Variants in CRIM1 observed in about 807,000 individuals in gnomAD.
CRIM1 encodes the protein cysteine-rich motor neuron 1 protein.
Under a neutral mutation model 116.4 loss-of-function variants are expected in CRIM1, and 32 were observed. The observed-to-expected ratio is 0.27, with a 90% CI of 0.21 to 0.37. CRIM1 has a LOEUF of 0.37. Among genes scored for constraint, CRIM1 ranks in the 10% least tolerant of loss-of-function variants. CRIM1 has a pLI of 1.00. For synonymous variants in CRIM1, 590 were observed against 509.2 expected, an observed-to-expected ratio of 1.16 and a Z score of -2.13; for missense variants, 1,331 against 1,354.8, an observed-to-expected ratio of 0.98 and a Z score of 0.28.
At chr2:36,542,410 T>G (rs1333804171) in intron 14 of CRIM1, among the ~76,000 whole-genome samples, 1 of 152,232 alleles carries the variant, frequency 6.6e-6, no homozygotes, top group Non-Finnish European at 1.5e-5. Context: ...GAGGACTCAC[T>G]GTCATGCCTC....
intron 1 of CRIM1, among the ~76,000 whole-genome samples, chr2:36,382,629 C>CCT (rs1670868648): frequency 6.6e-6 from 1 of 152,228 alleles, no homozygotes; most frequent in Non-Finnish European, 1.5e-5. Flanking sequence ...GCATCCCTTT[C>CCT]CTCCACCCGA....
At chr2:36,489,926 G>A (rs1424530709) in intron 7 of CRIM1, among the ~76,000 whole-genome samples, 1 of 152,148 alleles carries the variant, frequency 6.6e-6, no homozygotes. Context: ...GTAGAACAAT[G>A]ATATCAGACT....
chr2:36,399,792 A>G (rs1234332598), intron 2 of CRIM1, among the ~76,000 whole-genome samples: 1 of 152,246 alleles, frequency 6.6e-6, no homozygotes, highest in Non-Finnish European at 1.5e-5. Flanking sequence ...TTCTCAGGGA[A>G]GTATAAAAGA....
chr2:36,519,256 C>A lies in CRIM1; in HGVS notation c.2206+1714C>A, dbSNP rs139347957. On this transcript the variant is annotated intron_variant, in intron 12 of 16. Coordinates refer to ENST00000280527, the MANE Select transcript of CRIM1 (RefSeq NM_016441.3). ...AGGAGAGCTATGTGGAGGTGGGAAC[C>A]TCTGAGTATGCTAACATGGGTGGCA... is the stretch of plus-strand genomic sequence containing the variant. Among the ~76,000 whole-genome samples, 849 of 152,266 alleles carry A rather than the reference C, an allele frequency of 5.6e-3. 5 individuals carry two copies. Among genetic ancestry groups the A allele is most frequent in the Middle Eastern group, 0.027 (8 of 294 alleles).
intron 13 of CRIM1, among the ~76,000 whole-genome samples, chr2:36,535,878 A>C (rs151061928): frequency 6.6e-6 from 1 of 152,250 alleles, no homozygotes; most frequent in Non-Finnish European, 1.5e-5. Flanking sequence ...AGGTATTGCA[A>C]GTAATCTAGA....
At chr2:36,357,092 G>C (rs1033001171) in intron 1 of CRIM1, among the ~76,000 whole-genome samples, 3 of 152,210 alleles carry the variant, frequency 2.0e-5, no homozygotes, top group Admixed American at 6.5e-5. Flanking sequence ...TGGCGGAGGA[G>C]ACGTGTCTCC....
At chr2:36,451,143 C>T (rs185112154) in intron 4 of CRIM1, among the ~76,000 whole-genome samples, 46 of 152,324 alleles carry the variant, frequency 3.0e-4, no homozygotes, top group African/African-American at 1.1e-3. Flanking sequence ...TCGAGGACCT[C>T]ATGGAAGGCA....
chr2:36,367,869 CTT>C (rs1362906135), intron 1 of CRIM1, among the ~76,000 whole-genome samples: 1 of 152,184 alleles, frequency 6.6e-6, no homozygotes, highest in Non-Finnish European at 1.5e-5. Flanking sequence ...TCAAACCTCT[CTT>C]ATGTGTTTGC....
At chr2:36,357,090 G>T (rs998918608) in intron 1 of CRIM1, among the ~76,000 whole-genome samples, 3 of 152,212 alleles carry the variant, frequency 2.0e-5, no homozygotes, top group African/African-American at 7.2e-5. Flanking sequence ...GTTGGCGGAG[G>T]AGACGTGTCT....
chr2:36,390,270 A>AAGAG (rs1671472776), intron 1 of CRIM1, among the ~76,000 whole-genome samples: 1 of 152,246 alleles, frequency 6.6e-6, no homozygotes. Context: ...CACTAAAAAT[A>AAGAG]AGAGAGCTGT....
intron 2 of CRIM1, among the ~76,000 whole-genome samples, chr2:36,409,825 T>A (rs979611962): frequency 6.6e-6 from 1 of 152,246 alleles, no homozygotes; most frequent in African/African-American, 2.4e-5. Context: ...TGAGTTTTTT[T>A]AAAGAAGCAT....
intron 1 of CRIM1, among the ~76,000 whole-genome samples, chr2:36,365,170 C>G (rs1253717543): frequency 2.0e-5 from 3 of 152,164 alleles, no homozygotes; most frequent in Non-Finnish European, 4.4e-5. Flanking sequence ...AGTGCAACTA[C>G]AGTTCCCAGC....
rs576794883 is a variant in CRIM1, at chr2:36,489,538, A to G, written c.1373-9681A>G. ...CCCATAGTCCTGTGACAGAGATACT[A>G]AGAACATGACTCATTGCATGAGGAG... is the stretch of plus-strand genomic sequence containing the variant. On this transcript the variant is annotated intron_variant, in intron 7 of 16. Transcript: ENST00000280527. 7.9e-5 allele frequency among the ~76,000 whole-genome samples: 12 copies of G among 152,316 alleles called. No homozygotes were observed. The East Asian group carries it at 2.3e-3, about 29-fold the overall frequency.
At chr2:36,384,172 T>TG (rs1490662857) in intron 1 of CRIM1, among the ~76,000 whole-genome samples, 1 of 152,186 alleles carries the variant, frequency 6.6e-6, no homozygotes, top group Non-Finnish European at 1.5e-5. Flanking sequence ...GACCTGAAGG[T>TG]GTGCTGGAGT....
intron 1 of CRIM1, among the ~76,000 whole-genome samples, chr2:36,393,046 G>A (rs11677748): frequency 8.5e-5 from 13 of 152,346 alleles, no homozygotes; most frequent in Non-Finnish European, 1.3e-4. Flanking sequence ...CCTTTTAGCT[G>A]TGATTCCAGA....
chr2:36,451,768 G>C (rs757075761), intron 4 of CRIM1, among the ~76,000 whole-genome samples: 1 of 152,186 alleles, frequency 6.6e-6, no homozygotes, highest in Non-Finnish European at 1.5e-5. Context: ...AACACAGTGC[G>C]CATCAACCCA....
chr2:36,421,876 G>C (rs1427727292), intron 2 of CRIM1, among the ~76,000 whole-genome samples: 1 of 151,618 alleles, frequency 6.6e-6, no homozygotes. Flanking sequence ...CAATGCCTTT[G>C]GTAATGGCAA....
At position 36,503,095 on chromosome 2, in the gene CRIM1, G is replaced by A. The variant is rs547760213; in HGVS notation, c.1501+3748G>A. Among the ~76,000 whole-genome samples the A allele has an allele frequency of 6.6e-5, 10 of 152,232 alleles. No individual in the cohort carries two copies. In the East Asian group the frequency reaches 1.2e-3, roughly 18 times the overall value. On this transcript the variant is annotated intron_variant, in intron 8 of 16. Coordinates refer to ENST00000280527, the MANE Select transcript of CRIM1 (RefSeq NM_016441.3). ...TTCGTATTAGCAATCCAGGTTATTTGGCAACTTTGGAAGCCACACCTTTGG... is the reference window on the plus strand; with the variant it reads ...TTCGTATTAGCAATCCAGGTTATTTAGCAACTTTGGAAGCCACACCTTTGG...
At chr2:36,478,554 C>G (rs1295432929) in intron 6 of CRIM1, among the ~76,000 whole-genome samples, 1 of 152,198 alleles carries the variant, frequency 6.6e-6, no homozygotes, top group Non-Finnish European at 1.5e-5. Context: ...TGGCCGCCTC[C>G]CTCTCTGGCA....
Sources: gnomAD v4.1 joint callset for allele counts (sites outside exome capture counted in the v4.1 genomes callset) on GRCh38, gnomAD v4.1.1 for gene constraint, MANE v1.5 for transcripts, NCBI Gene and HGNC (gene_info 2026-07-23, HGNC 2026-07-21) for gene names.